Variants in EDARADD observed in about 807,000 individuals in gnomAD.
EDARADD encodes the protein EDAR associated via death domain, also known as ectodysplasin-A receptor-associated adapter protein.
Under a neutral mutation model 25.6 loss-of-function variants are expected in EDARADD, and 20 were observed. The ratio of observed to expected loss-of-function variants is 0.78; its 90% CI spans 0.55 to 1.14. The LOEUF (loss-of-function observed/expected upper bound fraction) is 1.14, where lower values mean the gene tolerates loss of function less well. Ranked by LOEUF, EDARADD falls within the 50% of genes most tolerant of loss-of-function variation. EDARADD has a pLI of 0.00. For synonymous variants in EDARADD, 86 were observed against 94.4 expected (o/e 0.91, Z 0.52); for missense variants, 225 against 270.1 (o/e 0.83, Z 1.17).
At chr1:236,405,730 T>C (rs1340037416) in intron 1 of EDARADD, among the ~76,000 whole-genome samples, 5 of 20,820 alleles carry the variant, frequency 2.4e-4, no homozygotes, top group African/African-American at 4.3e-4. Context: ...TTTCTTTTTC[T>C]TTCTTTCTTT....
chr1:236,411,521 TTC>T, intron 2 of EDARADD, among the ~76,000 whole-genome samples: 1 of 151,198 alleles, frequency 6.6e-6, no homozygotes, highest in Non-Finnish European at 1.5e-5. Context: ...TCCTTCTTCT[TTC>T]TTCTTCTTCT....
chr1:236,463,982 G>A (rs1464801362), intron 4 of EDARADD, among the ~76,000 whole-genome samples: 1 of 152,158 alleles, frequency 6.6e-6, no homozygotes, highest in Non-Finnish European at 1.5e-5. Flanking sequence ...CCAGACCGGG[G>A]GTTTGGAGAA....
At chr1:236,477,069 GA>G (rs1188293568) in intron 5 of EDARADD, among the ~76,000 whole-genome samples, 1 of 134,426 alleles carries the variant, frequency 7.4e-6, no homozygotes, top group Non-Finnish European at 1.6e-5. Flanking sequence ...AAAAAAAAAA[GA>G]AAAAATTAAT....
chr1:236,428,019 G>A (rs1409374254), intron 4 of EDARADD, among the ~76,000 whole-genome samples: 2 of 151,478 alleles, frequency 1.3e-5, no homozygotes, highest in Middle Eastern at 3.2e-3. Flanking sequence ...GTTTCACAGA[G>A]AGGGGGATTT....
intron 4 of EDARADD, among the ~76,000 whole-genome samples, chr1:236,434,651 G>A (rs1658194300): frequency 6.6e-6 from 1 of 152,110 alleles, no homozygotes; most frequent in South Asian, 2.1e-4. Context: ...CCAAATATTG[G>A]ACACCCCTGG....
intron 3 of EDARADD, among the ~76,000 whole-genome samples, chr1:236,354,760 A>C (rs1666955010): frequency 6.6e-6 from 1 of 152,164 alleles, no homozygotes; most frequent in South Asian, 2.1e-4. Context: ...AATTGTAGAG[A>C]CTGCACACAC....
At chr1:236,409,564 C>A (rs115422987) in intron 2 of EDARADD, among the ~76,000 whole-genome samples, 1 of 151,584 alleles carries the variant, frequency 6.6e-6, no homozygotes, top group East Asian at 1.9e-4. Flanking sequence ...TTTCATTTTT[C>A]ATTTTTATTT....
Position 236,484,407 on chromosome 1 carries a change from G to T in EDARADD, c.*1758G>T. ...GTACAACCAGCTCCTCAGAATTGAAGAGGAGCTGGGCAGCAAGGCTAAGTT... is the reference window on the plus strand; with the variant it reads ...GTACAACCAGCTCCTCAGAATTGAATAGGAGCTGGGCAGCAAGGCTAAGTT... On this transcript the variant is annotated 3_prime_UTR_variant, in exon 6 of 6. Transcript: ENST00000334232. This position sits in a 1 kb window ranked among gnomAD's most constrained non-coding sequence, Gnocchi z 4.1. The T allele has an allele frequency of 6.2e-7, 1 of 1,609,960 alleles. No individual in the cohort carries two copies. The highest frequency in any genetic ancestry group is 8.5e-7 in the Non-Finnish European group (1 of 1,177,336).
chr1:236,468,360 A>G lies in EDARADD; in HGVS notation c.265+84A>G, dbSNP rs1431486120. 2.9e-5 allele frequency: 42 copies of G among 1,430,652 alleles called. No homozygotes were observed. In the South Asian group the frequency reaches 4.5e-4, roughly 15 times the overall value. 88.6% of individuals were successfully genotyped at this position (1,430,652 alleles called of 1,614,324 possible). On this transcript the variant is annotated intron_variant, in intron 5 of 5. Transcript: ENST00000334232. The stretch of plus-strand genomic sequence containing the variant: ...AATTTGAGGCCAGGGTCGGTGACTC[A>G]TGCCTGTAATTCCAGCACTTTGGGA...
chr1:236,408,657 C>T (rs754275004), intron 1 of EDARADD, among the ~76,000 whole-genome samples: 10 of 152,014 alleles, frequency 6.6e-5, no homozygotes, highest in Admixed American at 1.3e-4. Context: ...GTGGGAGGAT[C>T]GCTTGAGGCC....
At chr1:236,442,831 C>G (rs1229776386) in intron 4 of EDARADD, among the ~76,000 whole-genome samples, 1 of 152,208 alleles carries the variant, frequency 6.6e-6, no homozygotes, top group Admixed American at 6.5e-5. Flanking sequence ...TTCATGCCTG[C>G]TAACACAATA....
At chr1:236,446,564 A>G (rs1329655515) in intron 4 of EDARADD, among the ~76,000 whole-genome samples, 1 of 152,050 alleles carries the variant, frequency 6.6e-6, no homozygotes, top group Non-Finnish European at 1.5e-5. Context: ...GAAAAAAAAA[A>G]AGAGAAAGTC....
In EDARADD at chr1:236,484,315, T is replaced by A; in HGVS notation, c.*1666T>A. 1 of 1,155,002 alleles carries A rather than the reference T, an allele frequency of 8.7e-7. No individual in the cohort carries two copies. Among genetic ancestry groups the A allele is most frequent in the Non-Finnish European group, 1.3e-6 (1 of 762,084 alleles). The allele number at this position is 1,155,002 out of a possible 1,614,324, so 71.5% of individuals were successfully genotyped here. On this transcript the variant is annotated 3_prime_UTR_variant, in exon 6 of 6. Transcript: ENST00000334232. This position sits in a 1 kb window ranked among gnomAD's most constrained non-coding sequence, Gnocchi z 4.1. ...ACTGAAAATACCTTCATCACTGACC[T>A]GGTGGTGGGGCTGTGACCTGGGCAG...
intron 1 of EDARADD, among the ~76,000 whole-genome samples, chr1:236,406,698 C>G (rs1322892917): frequency 6.6e-6 from 1 of 152,228 alleles, no homozygotes; most frequent in Non-Finnish European, 1.5e-5. Context: ...TCTCTCTTCT[C>G]TGTGGCTGTG....
intron 3 of EDARADD, among the ~76,000 whole-genome samples, chr1:236,368,568 G>A (rs1037778751): frequency 1.3e-5 from 2 of 149,986 alleles, no homozygotes; most frequent in African/African-American, 2.5e-5. Flanking sequence ...AGCCTCCCCA[G>A]CAGCTGGGAT....
chr1:236,427,534 T>TA (rs1657957322), intron 4 of EDARADD, 84 bp downstream of exon 4: 1 of 1,322,544 alleles, frequency 7.6e-7, no homozygotes, highest in African/African-American at 1.5e-5. Context: ...GTTTTACAAA[T>TA]AAAAAATGAA....
At chr1:236,464,713 A>G (rs1030335173) in intron 4 of EDARADD, among the ~76,000 whole-genome samples, 1 of 151,898 alleles carries the variant, frequency 6.6e-6, no homozygotes, top group Non-Finnish European at 1.5e-5. Context: ...AATTACAGGC[A>G]TGAGCCACCG....
chr1:236,455,829 A>T (rs184046933), intron 4 of EDARADD, among the ~76,000 whole-genome samples: 1 of 152,146 alleles, frequency 6.6e-6, no homozygotes, highest in East Asian at 1.9e-4. Flanking sequence ...TCGCTCTGTC[A>T]CCCAGGCTGG....
intron 1 of EDARADD, among the ~76,000 whole-genome samples, chr1:236,407,783 A>G (rs1180008040): frequency 6.6e-6 from 1 of 152,192 alleles, no homozygotes; most frequent in African/African-American, 2.4e-5. Context: ...CATTTTGGAG[A>G]TGGGAAACTT....
Sources: gnomAD v4.1 joint callset for allele counts (sites outside exome capture counted in the v4.1 genomes callset) on GRCh38, gnomAD v4.1.1 for gene constraint, Gnocchi (gnomAD v3.1) non-coding constraint, MANE v1.5 for transcripts, NCBI Gene and HGNC (gene_info 2026-07-23, HGNC 2026-07-21) for gene names.